The following TMEM74 variants were observed in gnomAD, a reference collection of about 807,000 sequenced individuals.
TMEM74 encodes transmembrane protein 74.
TMEM74 carries 13 observed loss-of-function variants against 18.1 expected under a neutral mutation model. The ratio of observed to expected loss-of-function variants is 0.72; its 90% CI spans 0.47 to 1.14. TMEM74 has a LOEUF of 1.14. TMEM74 is among the 50% of genes most tolerant of loss of function. TMEM74 has a pLI of 0.00. For synonymous variants in TMEM74, 159 were observed against 146.6 expected, an observed-to-expected ratio of 1.08 and a Z score of -0.61; for missense variants, 372 against 375.9, an observed-to-expected ratio of 0.99 and a Z score of 0.09.
intron 1 of TMEM74, among the ~76,000 whole-genome samples, chr8:108,695,731 C>T (rs1161223292): frequency 1.3e-5 from 2 of 152,130 alleles, no homozygotes; most frequent in Admixed American, 6.5e-5. Context: ...TTTCCATCTT[C>T]CTCCCTTTCT....
rs1340105445 is a variant in TMEM74, at chr8:108,782,294, A to G, written c.*1887T>C. Among the ~76,000 whole-genome samples the G allele has an allele frequency of 6.6e-6, 1 of 152,186 alleles. No individual in the cohort carries two copies. The highest frequency in any genetic ancestry group is 1.5e-5 in the Non-Finnish European group (1 of 68,028). On this transcript the variant is annotated 3_prime_UTR_variant, in exon 2 of 2. Coordinates refer to ENST00000297459, the MANE Select transcript of TMEM74 (RefSeq NM_153015.3). Reference sequence around the variant, plus strand: ...ACAGTAAAACAAAGTTTGTTCAAAAAGCACAAAAATACAGCAACAGAAAGC... The same window carrying G: ...ACAGTAAAACAAAGTTTGTTCAAAAGGCACAAAAATACAGCAACAGAAAGC...
intron 2 of TMEM74, among the ~76,000 whole-genome samples, chr8:108,642,129 T>A (rs1812671300): frequency 6.6e-6 from 1 of 152,082 alleles, no homozygotes; most frequent in South Asian, 2.1e-4. Flanking sequence ...CCAGGCGCCG[T>A]GGCTCATGCC....
At chr8:108,710,387 T>C (rs1294751474) in intron 1 of TMEM74, among the ~76,000 whole-genome samples, 3 of 152,212 alleles carry the variant, frequency 2.0e-5, no homozygotes, top group African/African-American at 7.2e-5. Flanking sequence ...AAGTCATGCT[T>C]GCCACTGTCT....
intron 2 of TMEM74, among the ~76,000 whole-genome samples, chr8:108,641,895 G>A (rs1424310784): frequency 6.6e-6 from 1 of 151,952 alleles, no homozygotes; most frequent in African/African-American, 2.4e-5. Context: ...TAGGTCTTTT[G>A]AGGGGAGCAC....
chr8:108,673,248 A>G (rs192170421), intron 1 of TMEM74, among the ~76,000 whole-genome samples: 59 of 152,304 alleles, frequency 3.9e-4, no homozygotes, highest in African/African-American at 1.4e-3. Flanking sequence ...ATGGAAGTTG[A>G]TCTTACCAGG....
intron 1 of TMEM74, among the ~76,000 whole-genome samples, chr8:108,660,825 A>C (rs1390239767): frequency 1.3e-5 from 2 of 152,116 alleles, no homozygotes; most frequent in East Asian, 3.9e-4. Context: ...AACAGATTTT[A>C]ACCGTTGCTT....
chr8:108,631,192 G>A lies in TMEM74; in HGVS notation n.265-22366C>T, dbSNP rs766006886. The stretch of plus-strand genomic sequence containing the variant: ...GAACAAGACTACCAGGTTATTCCAG[G>A]ACGTGAGGTACTTTGCTATGGCAGC... On this transcript the variant is annotated intron_variant and non_coding_transcript_variant, in intron 2 of 3. Coordinates refer to the TMEM74 transcript ENST00000518838. Among the ~76,000 whole-genome samples the A allele has an allele frequency of 9.9e-5, 15 of 151,932 alleles. No homozygotes were observed. In the South Asian group the frequency reaches 1.2e-3, roughly 13 times the overall value.
At chr8:108,707,650 A>G (rs1202307148) in intron 1 of TMEM74, among the ~76,000 whole-genome samples, 3 of 152,194 alleles carry the variant, frequency 2.0e-5, no homozygotes, top group Non-Finnish European at 2.9e-5. Context: ...ATGCAAAATA[A>G]TGAAATTGGG....
intron 1 of TMEM74, among the ~76,000 whole-genome samples, chr8:108,686,033 T>C (rs928348191): frequency 3.9e-5 from 6 of 152,074 alleles, no homozygotes; most frequent in Non-Finnish European, 7.4e-5. Flanking sequence ...CTTAAATAAA[T>C]GTATAAATTA....
chr8:108,696,379 C>T (rs977854059), intron 1 of TMEM74, among the ~76,000 whole-genome samples: 33 of 152,180 alleles, frequency 2.2e-4, no homozygotes, highest in African/African-American at 7.7e-4. Flanking sequence ...GGGTAGTGAG[C>T]TAATCAGATC....
chr8:108,628,005 C>T (rs1812512943), intron 2 of TMEM74, among the ~76,000 whole-genome samples: 2 of 152,040 alleles, frequency 1.3e-5, no homozygotes, highest in East Asian at 3.9e-4. Context: ...TTGCAATTAA[C>T]TGAAGTGGTG....
intron 1 of TMEM74, among the ~76,000 whole-genome samples, chr8:108,657,914 T>G (rs1586250237): frequency 7.6e-6 from 1 of 131,800 alleles, no homozygotes; most frequent in African/African-American, 2.9e-5. Context: ...TAATTACATA[T>G]ATATATTTCG....
chr8:108,670,776 C>T (rs912978916), intron 1 of TMEM74, among the ~76,000 whole-genome samples: 1 of 151,796 alleles, frequency 6.6e-6, no homozygotes, highest in African/African-American at 2.4e-5. Context: ...AATATTAGGA[C>T]CCAGCAATGA....
chr8:108,708,013 C>A (rs2349206), intron 1 of TMEM74, among the ~76,000 whole-genome samples: 76,486 of 151,864 alleles, frequency 0.5, 21,377 homozygotes, highest in East Asian at 0.78. Flanking sequence ...GTAGTTTTTC[C>A]GTTCTCGCCC....
At chr8:108,634,792 G>A (rs1479180135) in intron 2 of TMEM74, among the ~76,000 whole-genome samples, 1 of 152,040 alleles carries the variant, frequency 6.6e-6, no homozygotes, top group African/African-American at 2.4e-5. Context: ...TAATGCAAAT[G>A]AATCTGCACA....
chr8:108,758,174 AAAAT>A (rs1813999956), intron 1 of TMEM74, among the ~76,000 whole-genome samples: 2 of 152,056 alleles, frequency 1.3e-5, no homozygotes, highest in African/African-American at 4.8e-5. Context: ...TCCCTTTACA[AAAAT>A]AAATAAATAA....
At chr8:108,689,159 A>G (rs1213353910) in intron 1 of TMEM74, among the ~76,000 whole-genome samples, 1 of 152,236 alleles carries the variant, frequency 6.6e-6, no homozygotes, top group Non-Finnish European at 1.5e-5. Context: ...GATGCATCTG[A>G]TAAGTCCTGC....
At chr8:108,643,551 G>T (rs989104514) in intron 2 of TMEM74, among the ~76,000 whole-genome samples, 2 of 151,644 alleles carry the variant, frequency 1.3e-5, no homozygotes, top group South Asian at 4.2e-4. Context: ...TGAACTAAGG[G>T]GCCTTTTGTA....
Position 108,654,755 on chromosome 8 carries a change from G to A in TMEM74, n.264+538C>T, listed in dbSNP as rs1231530411. 2.2e-5 allele frequency among the ~76,000 whole-genome samples: 3 copies of A among 139,254 alleles called. No homozygotes were observed. The East Asian group carries it at 7.2e-4, about 33-fold the overall frequency. The allele number at this position is 139,254 out of a possible 152,430, so 91.4% of individuals were successfully genotyped here. A position where few individuals can be genotyped will look rare whatever the true frequency, so the allele number is the denominator to read the frequency against. On this transcript the variant is annotated intron_variant and non_coding_transcript_variant, in intron 2 of 3. Transcript: ENST00000518838. ...GAAAAATCTTTGTCCTTTTTACCAA[G>A]TGTTTTTTTTTTTATATTCCACCTA...
Sources: allele counts gnomAD v4.1 joint callset (sites outside exome capture counted in the v4.1 genomes callset), GRCh38; gene constraint gnomAD v4.1.1; transcripts MANE v1.5; gene names NCBI Gene and HGNC (gene_info 2026-07-23, HGNC 2026-07-21).